ZNRF3: variants seen among roughly 807,000 people sequenced by gnomAD.
ZNRF3 encodes zinc and ring finger 3, also known as E3 ubiquitin-protein ligase ZNRF3.
In ZNRF3, 23 loss-of-function variants were observed where a neutral mutation model predicts 72.5. That is an observed-to-expected ratio of 0.32 (90% CI 0.23 to 0.45). The LOEUF is 0.45. Ranked by LOEUF, ZNRF3 falls within the 20% of genes least tolerant of loss-of-function variation. The pLI, the probability that ZNRF3 is intolerant of heterozygous loss-of-function variation, is 1.00. For synonymous variants in ZNRF3, 610 were observed against 545.3 expected (o/e 1.12, Z -1.65); for missense variants, 1,169 against 1,272.1 (o/e 0.92, Z 1.23).
Position 29,057,023 on chromosome 22 carries a change from A to T in ZNRF3, c.*3401A>T, listed in dbSNP as rs533222314. The T allele has an allele frequency of 6.6e-6, 1 of 152,142 alleles. No homozygotes were observed. The highest frequency in any genetic ancestry group is 2.4e-5 in the African/African-American group (1 of 41,428). The allele number at this position is 152,142 out of a possible 1,614,324, so 9.4% of individuals were successfully genotyped here. On this transcript the variant is annotated 3_prime_UTR_variant, in exon 9 of 9. Transcript: ENST00000544604. ...TCTACTCTTTATGTAAACTCTTTCT[A>T]TTGTGTTGGTCTAACAAGGCACTAT...
chr22:28,975,815 C>T (rs1050391023), intron 1 of ZNRF3, among the ~76,000 whole-genome samples: 4 of 152,020 alleles, frequency 2.6e-5, no homozygotes, highest in African/African-American at 7.3e-5. Flanking sequence ...AAGGACATAA[C>T]GGAGCTTGGG....
At chr22:28,913,301 G>A (rs1310791395) in intron 1 of ZNRF3, among the ~76,000 whole-genome samples, 1 of 152,194 alleles carries the variant, frequency 6.6e-6, no homozygotes, top group Non-Finnish European at 1.5e-5. Context: ...TGAATTAATG[G>A]CTCTGAGAAA....
chr22:28,945,151 A>C (rs993554318), intron 1 of ZNRF3, among the ~76,000 whole-genome samples: 2 of 142,762 alleles, frequency 1.4e-5, no homozygotes, highest in African/African-American at 5.5e-5. Context: ...CCCTGTCTCA[A>C]AAAAAAAAAA....
intron 2 of ZNRF3, among the ~76,000 whole-genome samples, chr22:28,990,075 C>T (rs1247680908): frequency 1.3e-5 from 2 of 152,142 alleles, no homozygotes; most frequent in South Asian, 2.1e-4. Flanking sequence ...AGGGAGGCAG[C>T]GTTGGGATGA....
chr22:29,053,612 C>T lies in ZNRF3; in HGVS notation c.2801C>T (p.Pro934Leu), dbSNP rs536891882. The change falls in exon 9 of 9, where the codon CCG (proline) becomes CTG (leucine). Residue 934 changes from proline to leucine, a missense_variant. Around this residue, in one of 2 missense-constraint regions of ZNRF3, gnomAD observed 783 missense variants for 731.4 expected, o/e 1.07. Coordinates refer to ENST00000544604, the MANE Select transcript of ZNRF3 (RefSeq NM_001206998.2). ...TCTCACTCAGCAGACAGCAGCAGCC[C>T]GGGAGCCTGAGCTCAGGAGGAACTC... is the stretch of plus-strand genomic sequence containing the variant. ...PRSHSADSSSPGA is the reference protein window; with the variant it reads ...PRSHSADSSSLGA The T allele has an allele frequency of 1.7e-5, 27 of 1,613,576 alleles. No homozygotes were observed. The highest frequency in any genetic ancestry group is 5.3e-5 in the African/African-American group (4 of 75,006).
chr22:28,946,554 C>T (rs779799522), intron 1 of ZNRF3, among the ~76,000 whole-genome samples: 6 of 152,184 alleles, frequency 3.9e-5, no homozygotes, highest in South Asian at 2.1e-4. Context: ...CCAGGTAGAC[C>T]GTCCATTTAC....
At chr22:28,983,244 G>C (rs985636825) in intron 1 of ZNRF3, among the ~76,000 whole-genome samples, 1 of 152,172 alleles carries the variant, frequency 6.6e-6, no homozygotes, top group Non-Finnish European at 1.5e-5. Flanking sequence ...GTTTGGAGGA[G>C]AGTGGGAAGG....
intron 1 of ZNRF3, among the ~76,000 whole-genome samples, chr22:28,930,976 G>C (rs1048734168): frequency 1.3e-5 from 2 of 152,138 alleles, no homozygotes; most frequent in Non-Finnish European, 2.9e-5. Context: ...GAGCAGGCAG[G>C]GGGTGAGAAT....
chr22:28,943,440 G>C (rs1397159319), intron 1 of ZNRF3, among the ~76,000 whole-genome samples: 1 of 152,190 alleles, frequency 6.6e-6, no homozygotes, highest in East Asian at 1.9e-4. Context: ...CCTGCTGTTA[G>C]CACATTTCTT....
At chr22:28,953,657 T>C (rs765383178) in intron 1 of ZNRF3, among the ~76,000 whole-genome samples, 2 of 152,230 alleles carry the variant, frequency 1.3e-5, no homozygotes, top group African/African-American at 2.4e-5. Flanking sequence ...AAGGTTCCCA[T>C]ATATCCTGAA....
chr22:28,959,384 C>T (rs1295373572), intron 1 of ZNRF3, among the ~76,000 whole-genome samples: 1 of 152,206 alleles, frequency 6.6e-6, no homozygotes, highest in Non-Finnish European at 1.5e-5. Context: ...TGGAGATGAA[C>T]CTCTGGCCTG....
At chr22:29,010,130 C>T (rs1169234013) in intron 2 of ZNRF3, among the ~76,000 whole-genome samples, 4 of 151,946 alleles carry the variant, frequency 2.6e-5, no homozygotes, top group African/African-American at 7.3e-5. Context: ...AGGATGGTCT[C>T]GATCTCCTGA....
chr22:29,007,918 G>C (rs2036287928), intron 2 of ZNRF3, among the ~76,000 whole-genome samples: 1 of 151,638 alleles, frequency 6.6e-6, no homozygotes, highest in South Asian at 2.1e-4. Context: ...AACCATGCCT[G>C]GCTAATTTTG....
rs369434855 is a variant in ZNRF3, at chr22:28,900,258, T to C, written c.300+16192T>C. Among the ~76,000 whole-genome samples the C allele has an allele frequency of 4.9e-4, 74 of 152,288 alleles. No individual in the cohort carries two copies. In the East Asian group the frequency reaches 0.012, roughly 24 times the overall value. Reference sequence around the variant, plus strand: ...GATGGGGTTTCCTTGCTCCTCCCTATTGTATATAAGCAAAGATCACAGTCG... The same window carrying C: ...GATGGGGTTTCCTTGCTCCTCCCTACTGTATATAAGCAAAGATCACAGTCG... On this transcript the variant is annotated intron_variant, in intron 1 of 8. Coordinates refer to ENST00000544604, the MANE Select transcript of ZNRF3 (RefSeq NM_001206998.2).
intron 2 of ZNRF3, among the ~76,000 whole-genome samples, chr22:29,036,994 G>T (rs868607241): frequency 6.6e-6 from 1 of 152,156 alleles, no homozygotes; most frequent in Non-Finnish European, 1.5e-5. Context: ...TCATATTAGC[G>T]CTAACAGTCC....
chr22:29,050,487 C>G lies in ZNRF3; in HGVS notation c.2306C>G (p.Thr769Arg). The G allele has an allele frequency of 6.2e-7, 1 of 1,612,858 alleles. No individual in the cohort carries two copies. Among genetic ancestry groups the G allele is most frequent in the Non-Finnish European group, 8.5e-7 (1 of 1,179,940 alleles). Reference protein sequence around the residue: ...YGLHPDHLPRTDGVKYEGLPC... With the variant: ...YGLHPDHLPRRDGVKYEGLPC... ...CTTCACCCCGACCATTTGCCCAGGA[C>G]AGATGGGGTGAAATACGAGGGTCTG... The change falls in exon 8 of 9, where the codon ACA becomes AGA. Residue 769 changes from threonine to arginine, a missense_variant. This residue lies in a region of ZNRF3 where 783 missense variants were observed against 731.4 expected (regional missense o/e 1.07). Transcript: ENST00000544604.
intron 2 of ZNRF3, among the ~76,000 whole-genome samples, chr22:29,020,475 G>C (rs935998775): frequency 4.5e-4 from 69 of 151,828 alleles, no homozygotes; most frequent in Non-Finnish European, 5.3e-4. Context: ...TGCCCAGGCT[G>C]GTCTTAAACT....
At chr22:28,963,397 C>T (rs759903775) in intron 1 of ZNRF3, among the ~76,000 whole-genome samples, 5 of 152,002 alleles carry the variant, frequency 3.3e-5, no homozygotes, top group Non-Finnish European at 7.4e-5. Context: ...GAGCCAATAG[C>T]CCTTTAGGAA....
intron 1 of ZNRF3, among the ~76,000 whole-genome samples, chr22:28,885,585 C>T (rs1160884449): frequency 1.5e-5 from 2 of 134,568 alleles, no homozygotes; most frequent in Admixed American, 7.3e-5. Context: ...TGATTTACAG[C>T]CTTCTAAAAA....
Sources: allele counts gnomAD v4.1 joint callset (sites outside exome capture counted in the v4.1 genomes callset), GRCh38; gene constraint gnomAD v4.1.1; regional missense constraint gnomAD v4.1.1; transcripts MANE v1.5; gene names NCBI Gene and HGNC (gene_info 2026-07-23, HGNC 2026-07-21).